Variants in SLC9A9 observed in about 807,000 individuals in gnomAD.
SLC9A9 encodes solute carrier family 9 member A9, also known as sodium/hydrogen exchanger 9.
Under a neutral mutation model 77.8 loss-of-function variants are expected in SLC9A9, and 62 were observed. The ratio of observed to expected loss-of-function variants is 0.80; its 90% confidence interval spans 0.65 to 0.98. SLC9A9 has a LOEUF of 0.98. Ranked by LOEUF, SLC9A9 falls within the 50% of genes least tolerant of loss-of-function variation. SLC9A9 has a pLI of 0.00. For synonymous variants in SLC9A9, 320 were observed against 283.5 expected, an observed-to-expected ratio of 1.13 and a Z score of -1.29; for missense variants, 775 against 774.9, an observed-to-expected ratio of 1.00 and a Z score of 0.00.
intron 12 of SLC9A9, among the ~76,000 whole-genome samples, chr3:143,458,451 A>T (rs1462506754): frequency 1.3e-5 from 2 of 151,932 alleles, no homozygotes; most frequent in Admixed American, 6.6e-5. Flanking sequence ...TTGTATTTAG[A>T]TCTATCATTT....
intron 9 of SLC9A9, among the ~76,000 whole-genome samples, chr3:143,510,827 G>T (rs1444648024): frequency 1.3e-5 from 2 of 152,116 alleles, no homozygotes; most frequent in African/African-American, 2.4e-5. Flanking sequence ...CAAGGTGTGT[G>T]GGGAAAGGCC....
chr3:143,527,321 T>C (rs1283413652), intron 9 of SLC9A9, among the ~76,000 whole-genome samples: 3 of 152,238 alleles, frequency 2.0e-5, no homozygotes, highest in Admixed American at 6.5e-5. Flanking sequence ...GTACCTCTAA[T>C]ATGGTTAAAG....
chr3:143,509,683 T>C (rs2036082599), intron 9 of SLC9A9, among the ~76,000 whole-genome samples: 1 of 152,194 alleles, frequency 6.6e-6, no homozygotes. Flanking sequence ...TTTGTTCCAA[T>C]CTGTTTAGGT....
intron 5 of SLC9A9, among the ~76,000 whole-genome samples, chr3:143,658,818 T>G (rs1319344005): frequency 6.6e-6 from 1 of 152,226 alleles, no homozygotes; most frequent in Non-Finnish European, 1.5e-5. Context: ...TAGGATATAT[T>G]AAGACTGGAA....
rs181410629 is a variant in SLC9A9, at chr3:143,759,729, A to G, written c.533+35272T>C. 1.2e-3 allele frequency among the ~76,000 whole-genome samples: 178 copies of G among 151,842 alleles called. 1 individual carries two copies. The highest frequency in any genetic ancestry group is 4.6e-3 in the South Asian group (22 of 4,800). ...AACTAAAATACCATACAGACCTCCA[A>G]TGTATGGTTTCTATCTCCCCATATT... On this transcript the variant is annotated intron_variant, in intron 4 of 15. Transcript: ENST00000316549.
In SLC9A9 at chr3:143,721,456, T is replaced by C. The variant is rs116690393; in HGVS notation, c.534-28149A>G. On this transcript the variant is annotated intron_variant, in intron 4 of 15. Transcript: ENST00000316549. ...CACTTCGAAGTGCTGAGTTTTCCAG[T>C]CTGTGCTACTCTGAAATCTCGGTGG... 5.7e-3 allele frequency among the ~76,000 whole-genome samples: 864 copies of C among 152,164 alleles called. 4 individuals are homozygous for C. Among genetic ancestry groups the C allele is most frequent in the Middle Eastern group, 0.01 (3 of 294 alleles).
chr3:143,772,348 C>G (rs2007552547), intron 4 of SLC9A9, among the ~76,000 whole-genome samples: 1 of 152,054 alleles, frequency 6.6e-6, no homozygotes, highest in African/African-American at 2.4e-5. Flanking sequence ...AGTTACCCAG[C>G]ATAGTAAAGC....
chr3:143,583,719 A>C lies in SLC9A9; in HGVS notation c.756-4996T>G, dbSNP rs146602809. 9.7e-4 allele frequency among the ~76,000 whole-genome samples: 148 copies of C among 152,354 alleles called. 1 individual carries two copies. Among genetic ancestry groups the C allele is most frequent in the African/African-American group, 3.5e-3 (145 of 41,592 alleles). ...GCATTTGAAATGGTGTGTCTCACCC[A>C]GTAAGAACTAGATAAGCATTTCTTA... On this transcript the variant is annotated intron_variant, in intron 6 of 15. Transcript: ENST00000316549.
At chr3:143,513,029 C>G (rs2036142690) in intron 9 of SLC9A9, among the ~76,000 whole-genome samples, 1 of 152,156 alleles carries the variant, frequency 6.6e-6, no homozygotes, top group African/African-American at 2.4e-5. Context: ...TTTAATGGCT[C>G]CTGACTGATA....
intron 14 of SLC9A9, among the ~76,000 whole-genome samples, chr3:143,274,243 A>G (rs16853311): frequency 0.028 from 4,213 of 152,254 alleles, 214 homozygotes; most frequent in African/African-American, 0.095. Context: ...AGGAAAGCAC[A>G]TTTATCTCCA....
intron 9 of SLC9A9, among the ~76,000 whole-genome samples, chr3:143,495,966 A>G (rs1056660221): frequency 6.6e-6 from 1 of 152,198 alleles, no homozygotes; most frequent in Non-Finnish European, 1.5e-5. Context: ...ATGAATGTCA[A>G]TTACATTTTA....
chr3:143,457,224 C>T (rs61385953), intron 12 of SLC9A9, among the ~76,000 whole-genome samples: 1,668 of 152,142 alleles, frequency 0.011, 47 homozygotes, highest in African/African-American at 0.038. Context: ...CCCTATGTTG[C>T]TCAGACTGCT....
At chr3:143,574,873 T>C (rs1013384524) in intron 7 of SLC9A9, among the ~76,000 whole-genome samples, 1 of 152,164 alleles carries the variant, frequency 6.6e-6, no homozygotes, top group African/African-American at 2.4e-5. Flanking sequence ...GAATGGATCA[T>C]GCGGAGATGA....
intron 14 of SLC9A9, among the ~76,000 whole-genome samples, chr3:143,351,048 T>C (rs1171357715): frequency 6.6e-6 from 1 of 152,084 alleles, no homozygotes; most frequent in Non-Finnish European, 1.5e-5. Flanking sequence ...GGCCTGAGGG[T>C]TCCTACACAA....
At chr3:143,765,425 G>A (rs2007283219) in intron 4 of SLC9A9, among the ~76,000 whole-genome samples, 1 of 152,136 alleles carries the variant, frequency 6.6e-6, no homozygotes, top group Non-Finnish European at 1.5e-5. Flanking sequence ...GGACCATTTC[G>A]AGTGCAGTAG....
At chr3:143,714,177 T>C (rs764804344) in intron 4 of SLC9A9, among the ~76,000 whole-genome samples, 2 of 152,214 alleles carry the variant, frequency 1.3e-5, no homozygotes, top group African/African-American at 2.4e-5. Flanking sequence ...CAGATGACCA[T>C]ACAGAAAGTC....
At chr3:143,410,275 C>T (rs1257414304) in intron 12 of SLC9A9, among the ~76,000 whole-genome samples, 2 of 152,104 alleles carry the variant, frequency 1.3e-5, no homozygotes, top group East Asian at 1.9e-4. Context: ...ACTGGGGACA[C>T]AAAAATCTGG....
At chr3:143,274,367 A>C (rs1032620540) in intron 14 of SLC9A9, among the ~76,000 whole-genome samples, 2 of 152,184 alleles carry the variant, frequency 1.3e-5, no homozygotes, top group Non-Finnish European at 2.9e-5. Context: ...TTTACAGATC[A>C]AGAAATCTGT....
chr3:143,547,704 G>T (rs1289049787), intron 9 of SLC9A9, among the ~76,000 whole-genome samples: 1 of 152,088 alleles, frequency 6.6e-6, no homozygotes, highest in Admixed American at 6.5e-5. Context: ...TGTCCACATG[G>T]CTCCCTCTTT....
Sources: gnomAD v4.1 joint callset for allele counts (sites outside exome capture counted in the v4.1 genomes callset) on GRCh38, gnomAD v4.1.1 for gene constraint, MANE v1.5 for transcripts, NCBI Gene and HGNC (gene_info 2026-07-23, HGNC 2026-07-21) for gene names.